The following TAS2R1 variants were observed in gnomAD, a reference collection of about 807,000 sequenced individuals.
TAS2R1 encodes taste receptor type 2 member 1.
For missense variants in TAS2R1, 370 were observed against 353.4 expected (o/e 1.05, Z -0.38); for synonymous variants, 141 against 134.2 (o/e 1.05, Z -0.35).
At chr5:9,775,925 G>C in the TAS2R1 span, among the ~76,000 whole-genome samples, 1 of 152,198 alleles carries the variant, frequency 6.6e-6, no homozygotes, top group African/African-American at 2.4e-5. Context: ...GGGTAGGGAG[G>C]GGTGGCACAA....
chr5:9,902,889 T>G, the TAS2R1 span: 1 of 151,932 alleles, frequency 6.6e-6, no homozygotes, highest in Admixed American at 6.6e-5. Context: ...ATCACTCGTG[T>G]CTTCAGCAGG....
chr5:9,746,740 G>A, the TAS2R1 span, among the ~76,000 whole-genome samples: 2 of 152,094 alleles, frequency 1.3e-5, no homozygotes, highest in African/African-American at 2.4e-5. Flanking sequence ...CACAGGGAGG[G>A]GAACATCACA....
At chr5:9,813,654 C>A in the TAS2R1 span, among the ~76,000 whole-genome samples, 1 of 152,120 alleles carries the variant, frequency 6.6e-6, no homozygotes, top group Non-Finnish European at 1.5e-5. Context: ...GATTCCTTAG[C>A]CTGTATTCTA....
the TAS2R1 span, among the ~76,000 whole-genome samples, chr5:9,878,436 C>A: frequency 1.3e-5 from 2 of 152,166 alleles, no homozygotes; most frequent in African/African-American, 2.4e-5. Context: ...TCAGCATTCA[C>A]GAGCATTCAA....
the TAS2R1 span, among the ~76,000 whole-genome samples, chr5:9,814,331 C>T: frequency 1.5e-4 from 23 of 152,052 alleles, no homozygotes; most frequent in African/African-American, 5.5e-4. Context: ...TCACAAAATG[C>T]TAAGAATTTT....
the TAS2R1 span, among the ~76,000 whole-genome samples, chr5:9,857,003 C>T: frequency 6.6e-6 from 1 of 152,102 alleles, no homozygotes. Context: ...GAACTGGTGG[C>T]CATTATGTAA....
At chr5:9,752,354 T>C in the TAS2R1 span, among the ~76,000 whole-genome samples, 1 of 152,306 alleles carries the variant, frequency 6.6e-6, no homozygotes, top group Non-Finnish European at 1.5e-5. Flanking sequence ...CCAGGGTCCA[T>C]GTAGCTCTAC....
At chr5:9,660,207 C>T (rs896024606) in intron 1 of TAS2R1, among the ~76,000 whole-genome samples, 7 of 148,602 alleles carry the variant, frequency 4.7e-5, no homozygotes, top group South Asian at 2.2e-4. Context: ...TACAGGAGCC[C>T]GCCACCGCTC....
the TAS2R1 span, among the ~76,000 whole-genome samples, chr5:9,763,893 T>C: frequency 6.6e-6 from 1 of 152,162 alleles, no homozygotes; most frequent in Admixed American, 6.5e-5. Flanking sequence ...GTTTAGCTAG[T>C]AAAACAATAT....
At chr5:9,851,044 T>C in the TAS2R1 span, among the ~76,000 whole-genome samples, 1 of 152,138 alleles carries the variant, frequency 6.6e-6, no homozygotes, top group Non-Finnish European at 1.5e-5. Flanking sequence ...TTTAAGGCAT[T>C]TTTCAGGAGC....
At chr5:9,793,004 A>G in the TAS2R1 span, among the ~76,000 whole-genome samples, 2 of 152,228 alleles carry the variant, frequency 1.3e-5, no homozygotes, top group African/African-American at 4.8e-5. Context: ...ATTGCATATA[A>G]AAGATGCATT....
At chr5:9,824,868 G>T in the TAS2R1 span, among the ~76,000 whole-genome samples, 1 of 151,382 alleles carries the variant, frequency 6.6e-6, no homozygotes, top group Admixed American at 6.6e-5. Flanking sequence ...AGGCAGGGGG[G>T]AAGAGAAAGG....
the TAS2R1 span, among the ~76,000 whole-genome samples, chr5:9,755,394 C>T: frequency 1.2e-3 from 177 of 151,882 alleles, no homozygotes; most frequent in African/African-American, 4.0e-3. Flanking sequence ...TTGGGACCAG[C>T]CTGGGCAACA....
the TAS2R1 span, among the ~76,000 whole-genome samples, chr5:9,880,045 T>C: frequency 6.6e-6 from 1 of 152,186 alleles, no homozygotes; most frequent in Non-Finnish European, 1.5e-5. Flanking sequence ...CCATAGAGTA[T>C]GCTTAACATA....
chr5:9,791,465 A>C, the TAS2R1 span, among the ~76,000 whole-genome samples: 1 of 152,202 alleles, frequency 6.6e-6, no homozygotes, highest in Non-Finnish European at 1.5e-5. Flanking sequence ...TTGGGAGGCC[A>C]AGGTAGGTGA....
At chr5:9,716,186 A>G (rs367545451), upstream of TAS2R1, among the ~76,000 whole-genome samples, 6 of 152,206 alleles carry the variant, frequency 3.9e-5, no homozygotes, top group Middle Eastern at 3.4e-3. Context: ...ACTGGGAGGA[A>G]TGTGCGCTGG....
At chr5:9,647,613 A>T (rs1243367567) in intron 2 of TAS2R1, among the ~76,000 whole-genome samples, 1 of 152,208 alleles carries the variant, frequency 6.6e-6, no homozygotes, top group Non-Finnish European at 1.5e-5. Flanking sequence ...AATATATTTT[A>T]AATTACAATA....
chr5:9,843,240 C>A, the TAS2R1 span, among the ~76,000 whole-genome samples: 1 of 152,254 alleles, frequency 6.6e-6, no homozygotes, highest in East Asian at 1.9e-4. Flanking sequence ...TCTTCCATGT[C>A]TTTAATCTGA....
the TAS2R1 span, among the ~76,000 whole-genome samples, chr5:9,891,323 T>TC: frequency 1.3e-5 from 2 of 152,226 alleles, no homozygotes; most frequent in African/African-American, 2.4e-5. Context: ...TCATGTTCTT[T>TC]CATTTTGGGA....
Sources: allele counts gnomAD v4.1 joint callset (sites outside exome capture counted in the v4.1 genomes callset), GRCh38; gene constraint gnomAD v4.1.1; transcripts MANE v1.5; gene names NCBI Gene and HGNC (gene_info 2026-07-23, HGNC 2026-07-21).